ELP5: variants seen among roughly 807,000 people sequenced by gnomAD.
The protein encoded by ELP5 is elongator acetyltransferase complex subunit 5, also known as elongator complex protein 5.
Under a neutral mutation model 33.4 loss-of-function variants are expected in ELP5, and 34 were observed. The observed-to-expected ratio is 1.02, with a 90% CI of 0.78 to 1.36. The LOEUF is 1.36. ELP5 is among the 40% of genes most tolerant of loss of function. ELP5 has a pLI of 0.00. For synonymous variants in ELP5, 161 were observed against 146.4 expected (o/e 1.10, Z -0.72); for missense variants, 373 against 371.7 (o/e 1.00, Z -0.03).
rs1333413752 is a variant in ELP5, at chr17:7,258,678, C to G, written c.682C>G (p.Pro228Ala). 6.2e-7 allele frequency: 1 copy of G among 1,614,104 alleles called. No homozygotes were observed. The highest frequency in any genetic ancestry group is 1.7e-5 in the Admixed American group (1 of 59,998). ...CCAGCCCTACTCCGATCCTCATATACCCCCGGTATCTAAGAATGCCAAGGC... is the reference window on the plus strand; with the variant it reads ...CCAGCCCTACTCCGATCCTCATATAGCCCCGGTATCTAAGAATGCCAAGGC... ...ESQPYSDPHI[P>A]PVDPTTHLTF... is the part of the protein sequence containing the mutation. Residue 228 changes from proline (P) to alanine (A), a missense_variant, in exon 6 of 8, where the codon CCC becomes GCC. By Grantham distance (27) the Pro-to-Ala change is conservative (BLOSUM62 -1). Coordinates refer to ENST00000396628, the MANE Select transcript of ELP5 (RefSeq NM_203414.3).
Position 7,252,430 on chromosome 17 carries a change from T to G in ELP5, c.-121T>G. The G allele has an allele frequency of 4.2e-6, 6 of 1,425,358 alleles. No homozygotes were observed. Among genetic ancestry groups the G allele is most frequent in the Non-Finnish European group, 5.9e-6 (6 of 1,022,030 alleles). The allele number at this position is 1,425,358 out of a possible 1,614,324, so 88.3% of individuals were successfully genotyped here. ...CATAATCACCTCTCATTCCAGACTA[T>G]GTTAGGTCTTAATGGTGGGAGGACG... On this transcript the variant is annotated 5_prime_UTR_variant, in exon 1 of 8. It removes an upstream start codon present in the reference 5' UTR. Coordinates refer to ENST00000396628, the MANE Select transcript of ELP5 (RefSeq NM_203414.3).
At chr17:7,259,144 G>T (rs1343158026) in intron 7 of ELP5, 2 of 1,418,052 alleles carry the variant, frequency 1.4e-6, no homozygotes, top group Non-Finnish European at 1.8e-6. Context: ...CACAGCTCCA[G>T]TTGTCCCCAG....
At chr17:7,254,489 A>G (rs2072026386) in intron 3 of ELP5, 94 bp from the exon 4 acceptor site, 1 of 874,136 alleles carries the variant, frequency 1.1e-6, no homozygotes, top group Admixed American at 2.8e-5. Context: ...ATTCATAAAA[A>G]TTGAGAAAAC....
At chr17:7,256,784 C>T in intron 4 of ELP5, 73 bp from the exon 5 acceptor site, 2 of 1,493,398 alleles carry the variant, frequency 1.3e-6, no homozygotes, top group South Asian at 2.3e-5. Context: ...GAGGCTCTCT[C>T]TTCTTCACTG....
At position 7,256,894 on chromosome 17, in the gene ELP5, C is replaced by T; in HGVS notation, c.447C>T (p.Gly149=). The T allele has an allele frequency of 1.9e-6, 3 of 1,614,196 alleles. No homozygotes were observed. Among genetic ancestry groups the T allele is most frequent in the Non-Finnish European group, 2.5e-6 (3 of 1,180,044 alleles). The change falls in exon 5 of 8, where the codon GGC becomes GGT. Residue 149 remains glycine, a synonymous_variant. Transcript: ENST00000396628. ...SSSVGKVSVL[G]LLHEELHGPG... is the part of the protein sequence containing the mutation. ...CAGTGGGGAAAGTGAGTGTGCTGGG[C>T]TTGCTACATGAAGAGCTTCATGGAC...
At chr17:7,253,040 A>G (rs373574312) in intron 3 of ELP5, 42 bp downstream of exon 3, 44 of 1,592,178 alleles carry the variant, frequency 2.8e-5, no homozygotes, top group Non-Finnish European at 3.5e-5. Context: ...TTTGAGACCT[A>G]TAATGCTAAG....
chr17:7,253,392 G>A (rs1281392323), intron 3 of ELP5, among the ~76,000 whole-genome samples: 1 of 152,234 alleles, frequency 6.6e-6, no homozygotes, highest in African/African-American at 2.4e-5. Flanking sequence ...ATAATGGTAG[G>A]AAGTGATAGA....
intron 1 of ELP5, 79 bp from the exon 2 acceptor site, chr17:7,252,691 A>C: frequency 6.2e-7 from 1 of 1,608,172 alleles, no homozygotes. Context: ...GTCACAGGCT[A>C]GGTGTGGAAA....
chr17:7,257,962 G>A (rs1315652834), intron 5 of ELP5, among the ~76,000 whole-genome samples: 1 of 152,060 alleles, frequency 6.6e-6, no homozygotes, highest in Non-Finnish European at 1.5e-5. Context: ...CAGCTATTCG[G>A]GAGGCTGAGG....
chr17:7,256,199 A>G (rs992945746), intron 4 of ELP5, among the ~76,000 whole-genome samples: 11 of 152,234 alleles, frequency 7.2e-5, no homozygotes, highest in Non-Finnish European at 1.5e-4. Context: ...AAATACAAAA[A>G]TTAGCCAGGC....
chr17:7,256,879 A>G lies in ELP5; in HGVS notation c.432A>G (p.Lys144=), dbSNP rs760272852. The change falls in exon 5 of 8, where the codon AAA becomes AAG. Residue 144 remains lysine, a synonymous_variant. Coordinates refer to ENST00000396628, the MANE Select transcript of ELP5 (RefSeq NM_203414.3). ...SCPGDSSSVG[K]VSVLGLLHEE... ...TAGGTGACAGCTCCTCAGTGGGGAA[A>G]GTGAGTGTGCTGGGCTTGCTACATG... The G allele has an allele frequency of 5.0e-6, 8 of 1,614,196 alleles. No individual in the cohort carries two copies. The highest frequency in any genetic ancestry group is 6.8e-6 in the Non-Finnish European group (8 of 1,180,040).
At chr17:7,252,727 A>C in intron 1 of ELP5, 43 bp from the exon 2 acceptor site, 4 of 1,613,676 alleles carry the variant, frequency 2.5e-6, no homozygotes, top group Middle Eastern at 1.7e-4. Context: ...GAAGGCGGTA[A>C]TCCCAGCGCT....
At position 7,252,613 on chromosome 17, in the gene ELP5, C is replaced by A. The variant is rs373386382; in HGVS notation, c.46+17C>A. On this transcript the variant is annotated intron_variant, in intron 1 of 7. Transcript: ENST00000396628. Reference sequence around the variant, plus strand: ...TGCTTCGGGGTGAGAGCCAGAGGCACGGTGGCGGGGCGGGGGGTGCGGTTC... The same window carrying A: ...TGCTTCGGGGTGAGAGCCAGAGGCAAGGTGGCGGGGCGGGGGGTGCGGTTC... The A allele has an allele frequency of 9.3e-6, 15 of 1,608,252 alleles. No individual in the cohort carries two copies. The African/African-American group carries it at 1.2e-4, about 13-fold the overall frequency.
At position 7,252,578 on chromosome 17, in the gene ELP5, G is replaced by T; in HGVS notation, c.28G>T (p.Gly10Cys). The change falls in exon 1 of 8, where the codon GGC becomes TGC. Residue 10 changes from glycine to cysteine, a missense_variant. Gly to Cys is a radical substitution (Grantham distance 159). Coordinates refer to ENST00000396628, the MANE Select transcript of ELP5 (RefSeq NM_203414.3). MLDSLLALG[G>C]LVLLRDSVEW... ...GTTGGACTCGCTGTTGGCCTTGGGCGGCCTGGTGCTGCTTCGGGGTGAGAG... is the reference window on the plus strand; with the variant it reads ...GTTGGACTCGCTGTTGGCCTTGGGCTGCCTGGTGCTGCTTCGGGGTGAGAG... 2 of 1,613,188 alleles carry T rather than the reference G, an allele frequency of 1.2e-6. No individual in the cohort carries two copies. The highest frequency in any genetic ancestry group is 1.7e-6 in the Non-Finnish European group (2 of 1,179,832).
Position 7,259,630 on chromosome 17 carries a change from C to G in ELP5, c.848C>G (p.Pro283Arg), listed in dbSNP as rs771846696. The change falls in exon 8 of 8, where the codon CCA becomes CGA. Residue 283 changes from proline (P) to arginine (R), a missense_variant. Physicochemically the swap from Pro to Arg is moderately radical, Grantham distance 103. Coordinates refer to ENST00000396628, the MANE Select transcript of ELP5 (RefSeq NM_203414.3). ...GQATSHIFYEPDAYDDLDQED... is the reference protein window; with the variant it reads ...GQATSHIFYERDAYDDLDQED... ...GCTACCAGCCACATCTTCTATGAGC[C>G]AGATGCTTATGATGACCTGGACCAA... 1.9e-6 allele frequency: 3 copies of G among 1,614,272 alleles called. No homozygotes were observed. The Admixed American group carries it at 5.0e-5, about 27-fold the overall frequency.
intron 7 of ELP5, 106 bp from the exon 8 acceptor site, chr17:7,259,465 T>C (rs2072160936): frequency 1.9e-6 from 3 of 1,549,212 alleles, no homozygotes; most frequent in Non-Finnish European, 2.6e-6. Context: ...TAAAATGACA[T>C]GGAGGCCTAA....
rs928363866 is a variant in ELP5, at chr17:7,252,266, C to T, written c.-285C>T. The T allele has an allele frequency of 7.7e-6, 4 of 517,786 alleles. No homozygotes were observed. Among genetic ancestry groups the T allele is most frequent in the African/African-American group, 5.8e-5 (3 of 51,778 alleles). The allele number at this position is 517,786 out of a possible 1,614,324, so 32.1% of individuals were successfully genotyped here. A position where few individuals can be genotyped will look rare whatever the true frequency, so the allele number is the denominator to read the frequency against. ...GGGGGGCTTGTGGGTCCTCCTCCCC[C>T]TCCCACTGACAACTGCCCCAACTGC... is the stretch of plus-strand genomic sequence containing the variant. On this transcript the variant is annotated 5_prime_UTR_variant, in exon 1 of 8. Coordinates refer to ENST00000396628, the MANE Select transcript of ELP5 (RefSeq NM_203414.3).
chr17:7,259,327 C>T (rs2072157647), intron 7 of ELP5: 1 of 1,397,620 alleles, frequency 7.2e-7, no homozygotes, highest in Non-Finnish European at 9.3e-7. Flanking sequence ...CGCAAGACTA[C>T]AAGATCCTTG....
chr17:7,252,587 C>G lies in ELP5; in HGVS notation c.37C>G (p.Leu13Val). The change falls in exon 1 of 8, where the codon CTG becomes GTG. Residue 13 changes from leucine (L) to valine (V), a missense_variant. Physicochemically the swap from Leu to Val is conservative, Grantham distance 32. Coordinates refer to ENST00000396628, the MANE Select transcript of ELP5 (RefSeq NM_203414.3). ...GCTGTTGGCCTTGGGCGGCCTGGTG[C>G]TGCTTCGGGGTGAGAGCCAGAGGCA... ...DSLLALGGLV[L>V]LRDSVEWEGR... 6.2e-7 allele frequency: 1 copy of G among 1,612,798 alleles called. No homozygotes were observed. The highest frequency in any genetic ancestry group is 8.5e-7 in the Non-Finnish European group (1 of 1,179,766).
Sources: gnomAD v4.1 joint callset for allele counts (sites outside exome capture counted in the v4.1 genomes callset) on GRCh38, gnomAD v4.1.1 for gene constraint, MANE v1.5 for transcripts, NCBI Gene and HGNC (gene_info 2026-07-23, HGNC 2026-07-21) for gene names.